FAM163A: variants seen among roughly 807,000 people sequenced by gnomAD.
FAM163A encodes the protein family with sequence similarity 163 member A, also known as protein FAM163A.
Under a neutral mutation model 12.0 loss-of-function variants are expected in FAM163A, and 7 were observed. That is an observed-to-expected ratio of 0.58 (90% confidence interval 0.33 to 1.10). The LOEUF (loss-of-function observed/expected upper bound fraction) is 1.10, where lower values mean the gene tolerates loss of function less well. Ranked by LOEUF, FAM163A falls within the 50% of genes least tolerant of loss-of-function variation. The pLI is 0.03. For synonymous variants in FAM163A, 101 were observed against 91.0 expected, an observed-to-expected ratio of 1.11 and a Z score of -0.62; for missense variants, 202 against 218.6, an observed-to-expected ratio of 0.92 and a Z score of 0.48.
intron 1 of FAM163A, among the ~76,000 whole-genome samples, chr1:179,800,757 A>G (rs1429164376): frequency 6.6e-6 from 1 of 152,214 alleles, no homozygotes; most frequent in Non-Finnish European, 1.5e-5. Context: ...CAGAGTTTCC[A>G]CAAGGATGCT....
intron 1 of FAM163A, among the ~76,000 whole-genome samples, chr1:179,747,726 G>C (rs1325422925): frequency 6.6e-6 from 1 of 152,194 alleles, no homozygotes; most frequent in Non-Finnish European, 1.5e-5. Flanking sequence ...GGTGCTTACA[G>C]ACCTGGTTTT....
chr1:179,784,259 C>T (rs574482469), intron 1 of FAM163A, among the ~76,000 whole-genome samples: 15 of 152,326 alleles, frequency 9.8e-5, no homozygotes, highest in African/African-American at 3.4e-4. Context: ...GCCTATGCCC[C>T]GACCTTGGGC....
chr1:179,762,842 A>G (rs1317305433), intron 1 of FAM163A, among the ~76,000 whole-genome samples: 1 of 152,228 alleles, frequency 6.6e-6, no homozygotes, highest in African/African-American at 2.4e-5. Context: ...TTCAGGCGAC[A>G]TGATGATGGT....
chr1:179,804,467 A>G (rs1693635536), intron 1 of FAM163A, among the ~76,000 whole-genome samples: 1 of 152,236 alleles, frequency 6.6e-6, no homozygotes. Flanking sequence ...GAAAATGAAG[A>G]TATTGTAAAT....
At chr1:179,746,730 C>A (rs562543542) in intron 1 of FAM163A, among the ~76,000 whole-genome samples, 272 of 152,306 alleles carry the variant, frequency 1.8e-3, no homozygotes, top group Non-Finnish European at 3.2e-3. Context: ...CCCTCAAACA[C>A]TTTTCCAGCT....
chr1:179,755,550 C>T (rs1230980762), intron 1 of FAM163A, among the ~76,000 whole-genome samples: 3 of 151,996 alleles, frequency 2.0e-5, no homozygotes, highest in South Asian at 2.1e-4. Context: ...GCAGTGGGAT[C>T]GGGGTTAGAG....
chr1:179,770,448 A>G (rs1045281375), intron 1 of FAM163A, among the ~76,000 whole-genome samples: 1 of 152,058 alleles, frequency 6.6e-6, no homozygotes, highest in Admixed American at 6.5e-5. Flanking sequence ...TGTACTTAAA[A>G]CAAGAAAGCC....
intron 1 of FAM163A, among the ~76,000 whole-genome samples, chr1:179,774,637 G>A (rs1688700803): frequency 6.6e-6 from 1 of 152,206 alleles, no homozygotes; most frequent in African/African-American, 2.4e-5. Context: ...AGAAGAGCAG[G>A]TGAGAATTCA....
At chr1:179,750,121 A>G (rs1685059766) in intron 1 of FAM163A, among the ~76,000 whole-genome samples, 1 of 152,178 alleles carries the variant, frequency 6.6e-6, no homozygotes, top group Non-Finnish European at 1.5e-5. Context: ...CAAGGACAAT[A>G]TCAGTAGAGT....
chr1:179,805,705 C>G (rs2148340708), intron 1 of FAM163A, among the ~76,000 whole-genome samples: 1 of 152,356 alleles, frequency 6.6e-6, no homozygotes, highest in East Asian at 1.9e-4. Context: ...CCTGTTCTCT[C>G]TTCCCTACCA....
intron 1 of FAM163A, among the ~76,000 whole-genome samples, chr1:179,745,850 T>G (rs909332946): frequency 2.6e-5 from 4 of 152,190 alleles, no homozygotes; most frequent in African/African-American, 9.7e-5. Flanking sequence ...AAGTCACTAC[T>G]CCTTCCTCGG....
intron 1 of FAM163A, among the ~76,000 whole-genome samples, chr1:179,744,314 C>A (rs1448040289): frequency 2.0e-5 from 3 of 152,040 alleles, no homozygotes; most frequent in Non-Finnish European, 4.4e-5. Flanking sequence ...CTCCGCCCCG[C>A]GGCCCAGAGG....
chr1:179,778,049 C>A (rs766942708), intron 1 of FAM163A, among the ~76,000 whole-genome samples: 1 of 152,206 alleles, frequency 6.6e-6, no homozygotes, highest in Non-Finnish European at 1.5e-5. Context: ...AAATGCATGT[C>A]ATACCTTGAC....
At chr1:179,808,947 T>G (rs538595255) in intron 2 of FAM163A, among the ~76,000 whole-genome samples, 1 of 152,118 alleles carries the variant, frequency 6.6e-6, no homozygotes, top group South Asian at 2.1e-4. Context: ...ACTGTACCAT[T>G]AGTACAGAAA....
chr1:179,795,745 TCCAGAGAGGCCA>T (rs1692205773), intron 1 of FAM163A, among the ~76,000 whole-genome samples: 5 of 152,168 alleles, frequency 3.3e-5, no homozygotes, highest in Admixed American at 3.3e-4. Flanking sequence ...AGCAGCTGGT[TCCAGAGAGGCCA>T]CCAAATAGAA....
chr1:179,740,167 TG>T (rs1683457605), upstream of FAM163A, among the ~76,000 whole-genome samples: 1 of 120,076 alleles, frequency 8.3e-6, no homozygotes, highest in East Asian at 3.7e-4. Context: ...CAACTTTATT[TG>T]GTTTTTGTTG....
intron 1 of FAM163A, among the ~76,000 whole-genome samples, chr1:179,765,035 CT>C (rs1219140664): frequency 6.6e-6 from 1 of 152,218 alleles, no homozygotes; most frequent in Non-Finnish European, 1.5e-5. Flanking sequence ...GATGGGCTGC[CT>C]CCTTAGATTT....
intron 1 of FAM163A, among the ~76,000 whole-genome samples, chr1:179,804,847 A>G (rs1270847886): frequency 6.6e-6 from 1 of 152,136 alleles, no homozygotes; most frequent in African/African-American, 2.4e-5. Flanking sequence ...AAAAATAACT[A>G]TTGGGCACTA....
At chr1:179,779,893 G>A (rs1689490209) in intron 1 of FAM163A, among the ~76,000 whole-genome samples, 1 of 152,210 alleles carries the variant, frequency 6.6e-6, no homozygotes, top group Non-Finnish European at 1.5e-5. Context: ...GTTTATGTAT[G>A]TGCTAAATAG....
Sources: gnomAD v4.1 joint callset for allele counts (sites outside exome capture counted in the v4.1 genomes callset) on GRCh38, gnomAD v4.1.1 for gene constraint, MANE v1.5 for transcripts, NCBI Gene and HGNC (gene_info 2026-07-23, HGNC 2026-07-21) for gene names.